The following FZD3 variants were observed in gnomAD, a reference collection of about 807,000 sequenced individuals.
FZD3 encodes the protein frizzled-3.
In FZD3, 30 loss-of-function variants were observed where a neutral mutation model predicts 60.7. The observed-to-expected ratio is 0.49, with a 90% CI of 0.37 to 0.67. The LOEUF (loss-of-function observed/expected upper bound fraction) is 0.67. FZD3 is among the 30% of genes least tolerant of loss of function. The pLI is 0.00. For missense variants in FZD3, 605 were observed against 838.7 expected (o/e 0.72, Z 3.44); for synonymous variants, 246 against 275.2 (o/e 0.89, Z 1.05).
chr8:28,510,317 T>C (rs1804252525), intron 3 of FZD3, among the ~76,000 whole-genome samples: 1 of 152,174 alleles, frequency 6.6e-6, no homozygotes, highest in African/African-American at 2.4e-5. Flanking sequence ...TTTTGACTAG[T>C]GTATTTTTGG....
intron 3 of FZD3, among the ~76,000 whole-genome samples, chr8:28,518,247 A>G (rs1052723451): frequency 1.4e-5 from 2 of 145,900 alleles, no homozygotes; most frequent in African/African-American, 2.6e-5. Flanking sequence ...TTAAGTAGAG[A>G]TAGTCTTGCT....
intron 6 of FZD3, among the ~76,000 whole-genome samples, chr8:28,552,827 A>T (rs914650884): frequency 6.6e-6 from 1 of 152,198 alleles, no homozygotes; most frequent in East Asian, 1.9e-4. Context: ...GTTCCATATC[A>T]GTGGATTCAG....
At position 28,502,838 on chromosome 8, in the gene FZD3, T is replaced by C; in HGVS notation, c.-176T>C. On this transcript the variant is annotated 5_prime_UTR_variant, in exon 3 of 8. Coordinates refer to ENST00000240093, the MANE Select transcript of FZD3 (RefSeq NM_017412.4). ...TATTGTGAAACCAAAAACAAACGCC[T>C]TTTGTGAGACCAAGCTAACAAACCT... 2.4e-6 allele frequency: 1 copy of C among 413,788 alleles called. No individual in the cohort carries two copies. Among genetic ancestry groups the C allele is most frequent in the East Asian group, 3.6e-5 (1 of 27,988 alleles). 25.6% of individuals were successfully genotyped at this position (413,788 alleles called of 1,614,324 possible). A position where few individuals can be genotyped will look rare whatever the true frequency, so the allele number is the denominator to read the frequency against.
Position 28,527,827 on chromosome 8 carries a change from A to G in FZD3, c.1067A>G (p.Asn356Ser), listed in dbSNP as rs62001923. 26 of 1,613,968 alleles carry G rather than the reference A, an allele frequency of 1.6e-5. No individual in the cohort carries two copies. The highest frequency in any genetic ancestry group is 7.6e-6 in the Non-Finnish European group (9 of 1,179,972). ...GCGATGAATAAAATTGAAGGTGACA[A>G]TATTAGTGGCGTGTGTTTTGTTGGC... Reference protein sequence around the residue: ...LLAMNKIEGDNISGVCFVGLY... With the variant: ...LLAMNKIEGDSISGVCFVGLY... The change falls in exon 5 of 8, where the codon AAT becomes AGT. Residue 356 changes from asparagine to serine, a missense_variant. Asn to Ser is a conservative substitution (Grantham distance 46). Coordinates refer to ENST00000240093, the MANE Select transcript of FZD3 (RefSeq NM_017412.4). The surrounding 1 kb of genome is among the most constrained non-coding windows in gnomAD (Gnocchi z 5.0).
At chr8:28,498,718 C>G (rs1316008228) in intron 1 of FZD3, among the ~76,000 whole-genome samples, 1 of 152,170 alleles carries the variant, frequency 6.6e-6, no homozygotes, top group African/African-American at 2.4e-5. Flanking sequence ...GGCCTACAGG[C>G]GCATGCCAGC....
chr8:28,555,619 A>G (rs371553735), intron 6 of FZD3, 119 bp from the exon 7 acceptor site: 39 of 667,038 alleles, frequency 5.8e-5, no homozygotes, highest in African/African-American at 2.9e-4. Context: ...TGTCAGTCCT[A>G]TAGATCTAAT....
intron 2 of FZD3, among the ~76,000 whole-genome samples, chr8:28,501,983 A>G (rs1436311425): frequency 1.3e-5 from 2 of 152,200 alleles, no homozygotes; most frequent in African/African-American, 4.8e-5. Flanking sequence ...TAGCATTTGT[A>G]TAAACTAATT....
rs1371617713 is a variant in FZD3, at chr8:28,568,067, G to A, written c.*5056G>A. The A allele has an allele frequency of 6.6e-6, 1 of 152,046 alleles. No homozygotes were observed. Among genetic ancestry groups the A allele is most frequent in the East Asian group, 1.9e-4 (1 of 5,186 alleles). The allele number at this position is 152,046 out of a possible 1,614,324, so 9.4% of individuals were successfully genotyped here. On this transcript the variant is annotated 3_prime_UTR_variant, in exon 8 of 8. Coordinates refer to ENST00000240093, the MANE Select transcript of FZD3 (RefSeq NM_017412.4). ...TAAATTTTAAGTCATCACACTATGA[G>A]AATTGTTTGTACACATTTATAATTT...
chr8:28,538,831 A>T (rs1217237896), intron 5 of FZD3, among the ~76,000 whole-genome samples: 2 of 149,720 alleles, frequency 1.3e-5, no homozygotes, highest in African/African-American at 2.4e-5. Flanking sequence ...ATTAATGCAA[A>T]ACCATTTGTT....
chr8:28,514,586 A>G (rs1804375535), intron 3 of FZD3, among the ~76,000 whole-genome samples: 1 of 152,166 alleles, frequency 6.6e-6, no homozygotes, highest in South Asian at 2.1e-4. Context: ...GCTTTCTTTC[A>G]TTATGGATTA....
chr8:28,516,946 C>T (rs1585959692), intron 3 of FZD3, among the ~76,000 whole-genome samples: 1 of 152,108 alleles, frequency 6.6e-6, no homozygotes, highest in South Asian at 2.1e-4. Flanking sequence ...TGACGCTCCA[C>T]CTTTTCCACT....
At chr8:28,546,714 G>T (rs572249022) in intron 5 of FZD3, among the ~76,000 whole-genome samples, 1 of 151,988 alleles carries the variant, frequency 6.6e-6, no homozygotes, top group Non-Finnish European at 1.5e-5. Context: ...AGTGGCTCAC[G>T]CCTGTAATCC....
At chr8:28,523,862 C>T (rs1465407128) in intron 4 of FZD3, among the ~76,000 whole-genome samples, 2 of 152,074 alleles carry the variant, frequency 1.3e-5, no homozygotes, top group Non-Finnish European at 2.9e-5. Flanking sequence ...AGGACTCTGC[C>T]CTCATGAATA....
intron 4 of FZD3, among the ~76,000 whole-genome samples, chr8:28,525,788 C>A (rs1230850825): frequency 6.6e-6 from 1 of 152,104 alleles, no homozygotes; most frequent in African/African-American, 2.4e-5. Context: ...TTGGAGGCCC[C>A]TCTAGAAGTC....
At chr8:28,515,679 CTT>C (rs1317707711) in intron 3 of FZD3, among the ~76,000 whole-genome samples, 2 of 152,192 alleles carry the variant, frequency 1.3e-5, no homozygotes, top group African/African-American at 4.8e-5. Context: ...TGTTTTGCCT[CTT>C]AGCATGTTTG....
Position 28,520,728 on chromosome 8 carries a change from C to T in FZD3, c.280C>T (p.Arg94Cys), listed in dbSNP as rs748470823. ...CGCTCCTATTTGTATGGAATATGGA[C>T]GTGTCACACTTCCCTGTCGTAGGCT... ...LYAPICMEYG[R>C]VTLPCRRLCQ... The change falls in exon 4 of 8, where the codon CGT becomes TGT. Residue 94 changes from arginine (R) to cysteine (C), a missense_variant. Physicochemically the swap from Arg to Cys is radical, Grantham distance 180. Coordinates refer to ENST00000240093, the MANE Select transcript of FZD3 (RefSeq NM_017412.4). 14 of 1,611,162 alleles carry T rather than the reference C, an allele frequency of 8.7e-6. No individual in the cohort carries two copies. Among genetic ancestry groups the T allele is most frequent in the South Asian group, 2.2e-5 (2 of 90,834 alleles).
intron 5 of FZD3, among the ~76,000 whole-genome samples, chr8:28,546,676 A>T (rs1342087843): frequency 1.3e-5 from 2 of 152,148 alleles, no homozygotes; most frequent in African/African-American, 4.8e-5. Flanking sequence ...TTATTCTTAG[A>T]AGTTTTTAAT....
At chr8:28,515,500 G>T (rs1454822231) in intron 3 of FZD3, among the ~76,000 whole-genome samples, 1 of 152,232 alleles carries the variant, frequency 6.6e-6, no homozygotes, top group Non-Finnish European at 1.5e-5. Context: ...CTTCTCTCCT[G>T]AGTCTTCCCC....
chr8:28,522,447 C>G (rs1804606903), intron 4 of FZD3, among the ~76,000 whole-genome samples: 2 of 152,146 alleles, frequency 1.3e-5, no homozygotes, highest in African/African-American at 4.8e-5. Flanking sequence ...ATTTTACCTT[C>G]CCTTTTGTTT....
Sources: allele counts gnomAD v4.1 joint callset (sites outside exome capture counted in the v4.1 genomes callset), GRCh38; gene constraint gnomAD v4.1.1; non-coding constraint Gnocchi (gnomAD v3.1); transcripts MANE v1.5; gene names NCBI Gene and HGNC (gene_info 2026-07-23, HGNC 2026-07-21).